Variants in NOL11 observed in about 807,000 individuals in gnomAD.
NOL11 encodes nucleolar protein 11.
NOL11 carries 42 observed loss-of-function variants against 93.0 expected under a neutral mutation model. That is an observed-to-expected ratio of 0.45 (90% CI 0.35 to 0.58). The LOEUF (loss-of-function observed/expected upper bound fraction) is 0.58. Ranked by LOEUF, NOL11 falls within the 20% of genes least tolerant of loss-of-function variation. The pLI is 0.00. For synonymous variants in NOL11, 296 were observed against 293.7 expected (o/e 1.01, Z -0.08); for missense variants, 775 against 841.8 (o/e 0.92, Z 0.98).
At chr17:67,729,493 C>T (rs1177061336) in intron 7 of NOL11, among the ~76,000 whole-genome samples, 3 of 152,144 alleles carry the variant, frequency 2.0e-5, no homozygotes, top group South Asian at 2.1e-4. Flanking sequence ...TCCTCATTCT[C>T]CTCTGCCCCC....
At chr17:67,720,822 G>C (rs1776162654) in intron 3 of NOL11, among the ~76,000 whole-genome samples, 1 of 152,186 alleles carries the variant, frequency 6.6e-6, no homozygotes, top group Non-Finnish European at 1.5e-5. Context: ...GGTTAATTCA[G>C]ATATAATGCA....
chr17:67,728,896 A>G (rs2055124505), intron 7 of NOL11, among the ~76,000 whole-genome samples: 1 of 152,156 alleles, frequency 6.6e-6, no homozygotes, highest in South Asian at 2.1e-4. Context: ...TGTTTTTTTA[A>G]ATTAAGATGA....
At chr17:67,738,774 G>C (rs2055227501) in intron 14 of NOL11, 158 bp from the exon 15 acceptor site, 12 of 568,574 alleles carry the variant, frequency 2.1e-5, no homozygotes, top group Non-Finnish European at 3.7e-5. Context: ...TATTCCACAT[G>C]ATCTCCAATG....
chr17:67,737,732 T>C (rs772187415), intron 12 of NOL11, 40 bp downstream of exon 12: 1 of 1,589,396 alleles, frequency 6.3e-7, no homozygotes, highest in East Asian at 2.2e-5. Context: ...TGCATAATTC[T>C]TCTGACCTTG....
At chr17:67,735,514 T>C (rs1245937832) in intron 8 of NOL11, among the ~76,000 whole-genome samples, 1 of 152,062 alleles carries the variant, frequency 6.6e-6, no homozygotes, top group Non-Finnish European at 1.5e-5. Context: ...GTCTTATTTT[T>C]ACAATCATAA....
chr17:67,727,314 A>G (rs933267326), intron 7 of NOL11, among the ~76,000 whole-genome samples: 6 of 152,158 alleles, frequency 3.9e-5, no homozygotes, highest in Non-Finnish European at 8.8e-5. Flanking sequence ...CTCTCTATTG[A>G]CCACACATTT....
chr17:67,743,493 A>C lies in NOL11; in HGVS notation c.1950A>C (p.Ile650=). The C allele has an allele frequency of 2.0e-6, 3 of 1,521,122 alleles. No homozygotes were observed. The highest frequency in any genetic ancestry group is 1.8e-6 in the Non-Finnish European group (2 of 1,101,540). The allele number at this position is 1,521,122 out of a possible 1,614,324, so 94.2% of individuals were successfully genotyped here. A position where few individuals can be genotyped will look rare whatever the true frequency, so the allele number is the denominator to read the frequency against. Residue 650 remains isoleucine (I), a synonymous_variant, in exon 17 of 18, where the codon ATA becomes ATC. Transcript: ENST00000253247. The part of the protein sequence containing the change: ...PPTLNQIMDW[I]CLLLDANFTV... ...TTCATCTTCAGATTATGGATTGGAT[A>C]TGTCTACTTCTGGATGCAAATTTTA...
At chr17:67,720,146 A>G (rs1343978622) in intron 3 of NOL11, among the ~76,000 whole-genome samples, 184 bp downstream of exon 3, 2 of 152,142 alleles carry the variant, frequency 1.3e-5, no homozygotes, top group African/African-American at 2.4e-5. Flanking sequence ...TAAGGAGATG[A>G]GGATTTATAT....
Position 67,739,003 on chromosome 17 carries a change from A to AT in NOL11, c.1836dup (p.Ile613TyrfsTer6). ...CATTTGAAAGACATCCCAGCACAGC[A>AT]TATCACGGTAAGTGTTCATACAAGT... is the stretch of plus-strand genomic sequence containing the variant. On this transcript the variant is annotated frameshift_variant, in exon 15 of 18. Transcript: ENST00000253247. LOFTEE classifies it high-confidence loss of function. 1 of 1,606,318 alleles carries AT rather than the reference A, an allele frequency of 6.2e-7. No individual in the cohort carries two copies. Among genetic ancestry groups the AT allele is most frequent in the Non-Finnish European group, 8.5e-7 (1 of 1,173,432 alleles).
rs974950969 is a variant in NOL11 at position 67,736,000 on chromosome 17, A to C, written c.1031A>C (p.Lys344Thr). 1 of 1,608,288 alleles carries C rather than the reference A, an allele frequency of 6.2e-7. No homozygotes were observed. The highest frequency in any genetic ancestry group is 2.3e-5 in the East Asian group (1 of 44,398). The part of the protein sequence containing the change: ...EVSSLAGALG[K>T]LKHSQDPGTH... ...TCATCATTAGCAGGTGCTCTTGGAA[A>C]ACTCAAGCATAGTCAAGATCCAGGT... is the stretch of plus-strand genomic sequence containing the variant. Residue 344 changes from lysine to threonine, a missense_variant, in exon 9 of 18, where the codon AAA becomes ACA. By Grantham distance (78) the Lys-to-Thr change is moderately conservative. Around this residue, in one of 2 missense-constraint regions of NOL11, gnomAD observed 416 missense variants for 525.2 expected, o/e 0.79. Coordinates refer to ENST00000253247, the MANE Select transcript of NOL11 (RefSeq NM_015462.5).
At position 67,726,644 on chromosome 17, in the gene NOL11, T is replaced by C; in HGVS notation, c.849T>C (p.Ser283=). The C allele has an allele frequency of 6.3e-7, 1 of 1,589,566 alleles. No homozygotes were observed. Among genetic ancestry groups the C allele is most frequent in the Middle Eastern group, 1.7e-4 (1 of 5,968 alleles). ...VAVLGSPLAA[S]KECLSVWNIK... The stretch of plus-strand genomic sequence containing the variant: ...TCCTAGGAAGTCCACTAGCAGCTTC[T>C]AAGGGTAACTGACATCCAATTCATT... Residue 283 remains serine, a synonymous_variant, in exon 7 of 18, where the codon TCT becomes TCC. Coordinates refer to ENST00000253247, the MANE Select transcript of NOL11 (RefSeq NM_015462.5).
intron 6 of NOL11, 74 bp downstream of exon 6, chr17:67,724,267 C>T (rs1476030348): frequency 6.8e-6 from 6 of 884,908 alleles, no homozygotes; most frequent in East Asian, 5.5e-5. Flanking sequence ...GTTTTTGAAT[C>T]GTAGACTTTG....
intron 7 of NOL11, among the ~76,000 whole-genome samples, chr17:67,730,386 A>G (rs1362481190): frequency 6.6e-6 from 1 of 152,016 alleles, no homozygotes; most frequent in East Asian, 1.9e-4. Flanking sequence ...TCAGCTTTCC[A>G]AGTAGCTGGG....
chr17:67,738,072 C>G, intron 13 of NOL11, 50 bp from the exon 14 acceptor site: 1 of 1,547,422 alleles, frequency 6.5e-7, no homozygotes, highest in East Asian at 2.3e-5. Context: ...AAATTTTTCC[C>G]AAAAGCTTGG....
At chr17:67,731,575 G>T (rs2055154798) in intron 7 of NOL11, among the ~76,000 whole-genome samples, 1 of 152,154 alleles carries the variant, frequency 6.6e-6, no homozygotes, top group South Asian at 2.1e-4. Context: ...CGTTGCTTGT[G>T]CTTTTGGTTC....
At position 67,736,732 on chromosome 17, in the gene NOL11, A is replaced by G. The variant is rs199611919; in HGVS notation, c.1121A>G (p.Asn374Ser). 6.2e-7 allele frequency: 1 copy of G among 1,612,942 alleles called. No individual in the cohort carries two copies. The highest frequency in any genetic ancestry group is 1.3e-5 in the African/African-American group (1 of 75,038). The change falls in exon 10 of 18, where the codon AAC (asparagine) becomes AGC (serine). Residue 374 changes from asparagine to serine, a missense_variant. Asn to Ser is a conservative substitution (Grantham distance 46). Around this residue, in one of 2 missense-constraint regions of NOL11, gnomAD observed 416 missense variants for 525.2 expected, o/e 0.79. Coordinates refer to ENST00000253247, the MANE Select transcript of NOL11 (RefSeq NM_015462.5). The stretch of plus-strand genomic sequence containing the variant: ...CAAGGATGTGGACTTGGGTTCCAGA[A>G]CTCAGAGCAGTCAAGAAGAATTGTA... ...TPQGCGLGFQ[N>S]SEQSRRILRR...
Position 67,726,508 on chromosome 17 carries a change from A to T in NOL11, c.713A>T (p.Asp238Val), listed in dbSNP as rs1348768419. 6 of 1,614,082 alleles carry T rather than the reference A, an allele frequency of 3.7e-6. No homozygotes were observed. The highest frequency in any genetic ancestry group is 5.1e-6 in the Non-Finnish European group (6 of 1,180,012). Residue 238 changes from aspartate to valine, a missense_variant, in exon 7 of 18, where the codon GAC becomes GTC. Asp to Val is a radical substitution (Grantham distance 152). Coordinates refer to ENST00000253247, the MANE Select transcript of NOL11 (RefSeq NM_015462.5). ...YETLIPIRPA[D>V]PEKNQSLVKS... is the part of the protein sequence containing the mutation. Reference sequence around the variant, plus strand: ...ACCTTGATACCAATACGTCCAGCTGACCCAGAAAAAAATCAGAGCTTAGTT... The same window carrying T: ...ACCTTGATACCAATACGTCCAGCTGTCCCAGAAAAAAATCAGAGCTTAGTT...
intron 7 of NOL11, among the ~76,000 whole-genome samples, chr17:67,728,548 T>G (rs991396528): frequency 5.9e-5 from 9 of 152,184 alleles, no homozygotes; most frequent in African/African-American, 9.6e-5. Context: ...CATCTTCCTC[T>G]CTTTCTTATT....
In NOL11 at chr17:67,726,522, C is replaced by G. The variant is rs1290861162; in HGVS notation, c.727C>G (p.Gln243Glu). The G allele has an allele frequency of 1.9e-6, 3 of 1,614,106 alleles. No individual in the cohort carries two copies. Among genetic ancestry groups the G allele is most frequent in the Non-Finnish European group, 2.5e-6 (3 of 1,180,016 alleles). Residue 243 changes from glutamine to glutamate, a missense_variant, in exon 7 of 18, where the codon CAG (glutamine) becomes GAG (glutamate). Physicochemically the swap from Gln to Glu is conservative, Grantham distance 29. Coordinates refer to ENST00000253247, the MANE Select transcript of NOL11 (RefSeq NM_015462.5). ...PIRPADPEKN[Q>E]SLVKSLLLKA... ...ACGTCCAGCTGACCCAGAAAAAAAT[C>G]AGAGCTTAGTTAAATCACTGCTGCT...
Sources: allele counts gnomAD v4.1 joint callset (sites outside exome capture counted in the v4.1 genomes callset), GRCh38; gene constraint gnomAD v4.1.1; regional missense constraint gnomAD v4.1.1; transcripts MANE v1.5; gene names NCBI Gene and HGNC (gene_info 2026-07-23, HGNC 2026-07-21).